The following SLX4IP variants were observed in gnomAD, a reference collection of about 807,000 sequenced individuals.
SLX4IP encodes SLX4 interacting protein, also known as protein SLX4IP.
A neutral mutation model predicts 32.9 loss-of-function variants in SLX4IP; 34 were observed. The ratio of observed to expected loss-of-function variants is 1.03; its 90% confidence interval spans 0.79 to 1.38. The LOEUF (loss-of-function observed/expected upper bound fraction) is 1.38. Among genes scored for constraint, SLX4IP ranks in the 40% most tolerant of loss-of-function variants. The pLI, the probability that SLX4IP is intolerant of heterozygous loss-of-function variation, is 0.00. For synonymous variants in SLX4IP, 172 were observed against 171.7 expected (o/e 1.00, Z -0.01); for missense variants, 444 against 479.0 (o/e 0.93, Z 0.68).
chr20:10,588,347 G>A (rs1055371369), intron 4 of SLX4IP, among the ~76,000 whole-genome samples: 5 of 152,130 alleles, frequency 3.3e-5, no homozygotes, highest in Non-Finnish European at 1.5e-5. Context: ...TATAAAAAGA[G>A]ATAATAAGTA....
intron 2 of SLX4IP, among the ~76,000 whole-genome samples, chr20:10,465,667 A>T (rs2065374697): frequency 1.3e-5 from 2 of 152,134 alleles, no homozygotes; most frequent in Admixed American, 6.5e-5. Flanking sequence ...CGCCATGCCC[A>T]GCTAATTTTT....
intron 2 of SLX4IP, among the ~76,000 whole-genome samples, chr20:10,509,545 T>C (rs1219282687): frequency 6.6e-6 from 1 of 152,196 alleles, no homozygotes; most frequent in East Asian, 1.9e-4. Flanking sequence ...ATCGCCTTGA[T>C]ACAGACCAGA....
chr20:10,516,817 T>C (rs2065854675), intron 2 of SLX4IP, among the ~76,000 whole-genome samples: 1 of 152,214 alleles, frequency 6.6e-6, no homozygotes, highest in African/African-American at 2.4e-5. Context: ...AATGAAAAAA[T>C]GTCTGGGCTG....
Position 10,441,686 on chromosome 20 carries a change from T to G in SLX4IP, c.-30+6233T>G, listed in dbSNP as rs77729602. ...TTAAAAGTTCTAATTTTTTTGTTAC[T>G]TGCATTATCCTCTTTCCAGTGTTGA... On this transcript the variant is annotated intron_variant, in intron 1 of 7. Coordinates refer to ENST00000334534, the MANE Select transcript of SLX4IP (RefSeq NM_001009608.3). 8.1e-3 allele frequency among the ~76,000 whole-genome samples: 1,240 copies of G among 152,190 alleles called. 6 individuals carry two copies. Among genetic ancestry groups the G allele is most frequent in the Non-Finnish European group, 0.013 (889 of 68,008 alleles).
intron 2 of SLX4IP, among the ~76,000 whole-genome samples, chr20:10,492,666 TC>T: frequency 6.6e-6 from 1 of 152,318 alleles, no homozygotes; most frequent in South Asian, 2.1e-4. Flanking sequence ...GACTGATATA[TC>T]AGTCTTTTAT....
chr20:10,523,950 A>C (rs977050361), intron 2 of SLX4IP, among the ~76,000 whole-genome samples: 2 of 152,232 alleles, frequency 1.3e-5, no homozygotes, highest in African/African-American at 4.8e-5. Flanking sequence ...AGGAGGAGGC[A>C]GTGATGTTTG....
intron 4 of SLX4IP, among the ~76,000 whole-genome samples, chr20:10,582,815 T>C (rs2066600251): frequency 1.3e-5 from 2 of 152,182 alleles, no homozygotes; most frequent in Admixed American, 1.3e-4. Flanking sequence ...TACTTTTGCC[T>C]TCCTTATAAA....
chr20:10,562,485 T>G (rs2066343885), intron 4 of SLX4IP, among the ~76,000 whole-genome samples: 1 of 152,074 alleles, frequency 6.6e-6, no homozygotes, highest in African/African-American at 2.4e-5. Flanking sequence ...GCTCCTCTTG[T>G]TGTCCAGCCG....
chr20:10,488,217 A>G (rs76757360), intron 2 of SLX4IP, among the ~76,000 whole-genome samples: 3,836 of 152,306 alleles, frequency 0.025, 101 homozygotes, highest in Admixed American at 0.096. Context: ...AAAGAGGTAA[A>G]TGAGGTCACT....
intron 2 of SLX4IP, among the ~76,000 whole-genome samples, chr20:10,550,772 C>A (rs187922941): frequency 6.6e-6 from 1 of 152,314 alleles, no homozygotes; most frequent in South Asian, 2.1e-4. Context: ...CTGCATGGGG[C>A]GTTATTCATT....
chr20:10,440,038 A>G (rs529177510), intron 1 of SLX4IP, among the ~76,000 whole-genome samples: 2 of 152,350 alleles, frequency 1.3e-5, no homozygotes, highest in Admixed American at 6.5e-5. Flanking sequence ...ACTCATATTA[A>G]TTATGGGATA....
rs1056922098 is a variant in SLX4IP at position 10,624,256 on chromosome 20, TC to T, written c.*880del. 50 of 152,316 alleles carry T rather than the reference TC, an allele frequency of 3.3e-4. No homozygotes were observed. Among genetic ancestry groups the T allele is most frequent in the African/African-American group, 1.2e-3 (49 of 41,552 alleles). 9.4% of individuals were successfully genotyped at this position (152,316 alleles called of 1,614,324 possible). ...CGTTGTTGCCTGTAGCTCAAGCATGTCCCAGTCCCTGCTCTTGCACCCACCT... is the reference window on the plus strand; with the variant it reads ...CGTTGTTGCCTGTAGCTCAAGCATGTCCAGTCCCTGCTCTTGCACCCACCT... On this transcript the variant is annotated 3_prime_UTR_variant, in exon 8 of 8. Coordinates refer to ENST00000334534, the MANE Select transcript of SLX4IP (RefSeq NM_001009608.3).
At chr20:10,458,352 A>C (rs2065305745) in intron 2 of SLX4IP, 121 bp downstream of exon 2, 1 of 929,228 alleles carries the variant, frequency 1.1e-6, no homozygotes, top group Admixed American at 3.0e-5. Flanking sequence ...GACTCTGCAA[A>C]ATTTTTTTTT....
intron 2 of SLX4IP, among the ~76,000 whole-genome samples, chr20:10,479,501 C>T (rs2065503588): frequency 6.6e-6 from 1 of 151,420 alleles, no homozygotes; most frequent in Admixed American, 6.6e-5. Flanking sequence ...TACAGGCGTG[C>T]ACCACCACGC....
At chr20:10,611,309 C>T (rs146542909) in intron 6 of SLX4IP, among the ~76,000 whole-genome samples, 2 of 152,304 alleles carry the variant, frequency 1.3e-5, no homozygotes, top group Admixed American at 6.5e-5. Context: ...TTCATTTTCA[C>T]GAGACAGCAA....
At chr20:10,547,005 CA>C (rs2066168739) in intron 2 of SLX4IP, among the ~76,000 whole-genome samples, 1 of 152,186 alleles carries the variant, frequency 6.6e-6, no homozygotes, top group Admixed American at 6.5e-5. Flanking sequence ...CCCAGGGTCC[CA>C]GGGGCATATG....
chr20:10,587,011 A>G (rs533042588), intron 4 of SLX4IP, among the ~76,000 whole-genome samples: 6 of 152,218 alleles, frequency 3.9e-5, no homozygotes, highest in East Asian at 1.9e-4. Context: ...AACATCTCCA[A>G]TTCATTTTAT....
At chr20:10,577,921 A>G (rs922339797) in intron 4 of SLX4IP, among the ~76,000 whole-genome samples, 4 of 152,190 alleles carry the variant, frequency 2.6e-5, no homozygotes, top group African/African-American at 9.6e-5. Flanking sequence ...GTGTGGTGGA[A>G]TAATTATATA....
chr20:10,444,056 C>A (rs992054186), intron 1 of SLX4IP, among the ~76,000 whole-genome samples: 1 of 152,146 alleles, frequency 6.6e-6, no homozygotes, highest in Non-Finnish European at 1.5e-5. Flanking sequence ...CAGACTAATA[C>A]AAGCATTGAC....
Sources: allele counts gnomAD v4.1 joint callset (sites outside exome capture counted in the v4.1 genomes callset), GRCh38; gene constraint gnomAD v4.1.1; transcripts MANE v1.5; gene names NCBI Gene and HGNC (gene_info 2026-07-23, HGNC 2026-07-21).